ABLIM1: variants seen among roughly 807,000 people sequenced by gnomAD.
The protein encoded by ABLIM1 is actin binding LIM protein 1.
A neutral mutation model predicts 107.0 loss-of-function variants in ABLIM1; 40 were observed. The observed-to-expected ratio is 0.37, with a 90% CI of 0.29 to 0.49. The LOEUF is 0.49. Among genes scored for constraint, ABLIM1 ranks in the 20% least tolerant of loss-of-function variants. The pLI is 0.97. For synonymous variants in ABLIM1, 357 were observed against 357.3 expected (o/e 1.00, Z 0.01); for missense variants, 857 against 1,008.5 (o/e 0.85, Z 2.04).
intron 1 of ABLIM1, among the ~76,000 whole-genome samples, chr10:114,749,445 A>AC (rs1591936923): frequency 1.9e-5 from 2 of 105,140 alleles, no homozygotes; most frequent in East Asian, 2.3e-4. Flanking sequence ...AAAACAACAC[A>AC]CACACCACAC....
At chr10:114,512,849 AAGGAAAGAAG>A (rs1565724348) in intron 6 of ABLIM1, among the ~76,000 whole-genome samples, 322 of 77,824 alleles carry the variant, frequency 4.1e-3, no homozygotes, top group Non-Finnish European at 6.6e-3. Context: ...GGAAGGAAGG[AAGGAAAGAAG>A]GAAGGAAGGA....
intron 1 of ABLIM1, among the ~76,000 whole-genome samples, chr10:114,737,333 A>T (rs2082201161): frequency 6.6e-6 from 1 of 152,204 alleles, no homozygotes; most frequent in Non-Finnish European, 1.5e-5. Flanking sequence ...AAAAGGAAAA[A>T]CAAACAAAGA....
rs1591857369 is a variant in ABLIM1 at position 114,707,573 on chromosome 10, G to A, written c.-213+60488C>T. 3.3e-5 allele frequency among the ~76,000 whole-genome samples: 5 copies of A among 152,148 alleles called. No individual in the cohort carries two copies. The highest frequency in any genetic ancestry group is 3.3e-4 in the Admixed American group (5 of 15,282). ...ACAAATTTGCTAAACCATCAATCCT[G>A]CTGCCCCTGGCTTCCTGAGTACTAG... On this transcript the variant is annotated intron_variant, in intron 1 of 15. Transcript: ENST00000651092. The surrounding 1 kb of genome is among the most constrained non-coding windows in gnomAD (Gnocchi z 4.1).
Position 114,763,088 on chromosome 10 carries a change from C to A in ABLIM1, c.-213+4973G>T, listed in dbSNP as rs988163707. Among the ~76,000 whole-genome samples, 41 of 152,204 alleles carry A rather than the reference C, an allele frequency of 2.7e-4. 1 individual carries two copies. Among genetic ancestry groups the A allele is most frequent in the Admixed American group, 2.4e-3 (36 of 15,276 alleles). On this transcript the variant is annotated intron_variant, in intron 1 of 15. Coordinates refer to the ABLIM1 transcript ENST00000651092. ...ATGACTCAAGCTTCTGAAAAGCCAG[C>A]AGTTTCACTGAGTGATTGCTTCTTT... is the stretch of plus-strand genomic sequence containing the variant.
chr10:114,577,670 A>G (rs1158397283), intron 2 of ABLIM1, among the ~76,000 whole-genome samples: 1 of 152,210 alleles, frequency 6.6e-6, no homozygotes, highest in African/African-American at 2.4e-5. Flanking sequence ...CATAGCCTTA[A>G]AAAATGAATT....
the ABLIM1 span, among the ~76,000 whole-genome samples, chr10:114,781,739 G>A: frequency 6.7e-6 from 1 of 149,944 alleles, no homozygotes; most frequent in African/African-American, 2.4e-5. Flanking sequence ...GATTGAAAAG[G>A]TTTATTTTTA....
At chr10:114,637,035 TAA>T (rs3061732) in intron 1 of ABLIM1, among the ~76,000 whole-genome samples, 10,735 of 103,910 alleles carry the variant, frequency 0.1, 1,218 homozygotes, top group African/African-American at 0.29. Context: ...GCTGTCTCTT[TAA>T]AAAAAAAAAA....
intron 3 of ABLIM1, among the ~76,000 whole-genome samples, chr10:114,572,873 C>T (rs926791381): frequency 3.3e-5 from 5 of 152,222 alleles, no homozygotes; most frequent in Non-Finnish European, 7.3e-5. Flanking sequence ...TAAAGAGGCA[C>T]TCGTGCTCCG....
chr10:114,444,877 T>A (rs1225286787), intron 16 of ABLIM1, among the ~76,000 whole-genome samples: 1 of 152,110 alleles, frequency 6.6e-6, no homozygotes, highest in African/African-American at 2.4e-5. Flanking sequence ...CTGGCCCACA[T>A]CCTGGGAAAA....
intron 1 of ABLIM1, among the ~76,000 whole-genome samples, chr10:114,750,967 T>C (rs143931051): frequency 6.6e-6 from 1 of 152,300 alleles, no homozygotes; most frequent in East Asian, 1.9e-4. Flanking sequence ...AAGACTGAAG[T>C]GCTTAATGAA....
At chr10:114,634,685 C>T (rs1222719108) in intron 1 of ABLIM1, among the ~76,000 whole-genome samples, 1 of 151,900 alleles carries the variant, frequency 6.6e-6, no homozygotes, top group South Asian at 2.1e-4. Flanking sequence ...ATTTTCCCCC[C>T]GCCTGTGTTT....
chr10:114,647,189 G>A (rs1004531756), intron 1 of ABLIM1, among the ~76,000 whole-genome samples: 14 of 151,972 alleles, frequency 9.2e-5, no homozygotes, highest in Non-Finnish European at 1.5e-4. Context: ...GCAGGGACAG[G>A]GTTTCACCAT....
At chr10:114,649,103 AAAGT>A (rs2141052612) in intron 1 of ABLIM1, among the ~76,000 whole-genome samples, 1 of 152,122 alleles carries the variant, frequency 6.6e-6, no homozygotes, top group South Asian at 2.1e-4. Context: ...ACTTCCTACA[AAAGT>A]AAGGTGTTGG....
intron 1 of ABLIM1, among the ~76,000 whole-genome samples, chr10:114,744,577 T>C (rs1327776889): frequency 6.6e-6 from 1 of 152,126 alleles, no homozygotes; most frequent in Non-Finnish European, 1.5e-5. Flanking sequence ...GTCCACAAAG[T>C]TGAGGCTGCA....
intron 1 of ABLIM1, among the ~76,000 whole-genome samples, chr10:114,758,765 G>A (rs909230880): frequency 6.6e-6 from 1 of 151,900 alleles, no homozygotes; most frequent in Admixed American, 6.6e-5. Flanking sequence ...TAAAGACCCT[G>A]GACACAGCCT....
At chr10:114,605,460 G>C (rs1363221841) in intron 1 of ABLIM1, among the ~76,000 whole-genome samples, 1 of 152,126 alleles carries the variant, frequency 6.6e-6, no homozygotes, top group Non-Finnish European at 1.5e-5. Flanking sequence ...TTTACTGATA[G>C]GGAAACTGAG....
At chr10:114,734,307 C>T (rs2082134894) in intron 1 of ABLIM1, among the ~76,000 whole-genome samples, 2 of 152,194 alleles carry the variant, frequency 1.3e-5, no homozygotes, top group South Asian at 4.1e-4. Context: ...TAGATGATGG[C>T]ACTCCCTTGC....
Position 114,652,036 on chromosome 10 carries a change from T to C in ABLIM1, c.244+5921A>G, listed in dbSNP as rs141192688. ...GCAGGAACCACATGCTGGTCCTTCT[T>C]ACCAACTTTCCCAGGATGTATTTTT... is the stretch of plus-strand genomic sequence containing the variant. On this transcript the variant is annotated intron_variant, in intron 1 of 22. Coordinates refer to ENST00000533213, the MANE Select transcript of ABLIM1 (RefSeq NM_002313.7). Among the ~76,000 whole-genome samples, 649 of 152,308 alleles carry C rather than the reference T, an allele frequency of 4.3e-3. 4 individuals are homozygous for C. The highest frequency in any genetic ancestry group is 0.015 in the African/African-American group (603 of 41,564).
At chr10:114,593,437 G>C (rs936750893) in intron 2 of ABLIM1, among the ~76,000 whole-genome samples, 1 of 152,128 alleles carries the variant, frequency 6.6e-6, no homozygotes, top group African/African-American at 2.4e-5. Context: ...ATTTGTTACT[G>C]GTTTCTCCAT....
Sources: allele counts gnomAD v4.1 joint callset (sites outside exome capture counted in the v4.1 genomes callset), GRCh38; gene constraint gnomAD v4.1.1; non-coding constraint Gnocchi (gnomAD v3.1); transcripts MANE v1.5; gene names NCBI Gene and HGNC (gene_info 2026-07-23, HGNC 2026-07-21).